The following FBXO25 variants were observed in gnomAD, a reference collection of about 807,000 sequenced individuals.
FBXO25 encodes the protein F-box protein 25.
FBXO25 carries 45 observed loss-of-function variants against 51.9 expected under a neutral mutation model. The ratio of observed to expected loss-of-function variants is 0.87; its 90% CI spans 0.68 to 1.11. The LOEUF (loss-of-function observed/expected upper bound fraction) is 1.11, where lower values mean the gene tolerates loss of function less well. Ranked by LOEUF, FBXO25 falls within the 50% of genes most tolerant of loss-of-function variation. FBXO25 has a pLI of 0.00. For synonymous variants in FBXO25, 199 were observed against 151.0 expected (o/e 1.32, Z -2.33); for missense variants, 507 against 428.5 (o/e 1.18, Z -1.62).
chr8:428,530 TA>T (rs1476339063), intron 2 of FBXO25, among the ~76,000 whole-genome samples: 1 of 152,036 alleles, frequency 6.6e-6, no homozygotes, highest in African/African-American at 2.4e-5. Flanking sequence ...TATCTTTAAT[TA>T]AAACAAAATA....
At chr8:462,901 TA>T (rs1563098584) in intron 8 of FBXO25, 105 bp from the exon 9 acceptor site, 2 of 1,343,072 alleles carry the variant, frequency 1.5e-6, no homozygotes, top group Non-Finnish European at 2.0e-6. Flanking sequence ...TATTGAAGTT[TA>T]AAAAAAGAAA....
chr8:417,871 G>C (rs1180163583), intron 2 of FBXO25, among the ~76,000 whole-genome samples: 1 of 152,204 alleles, frequency 6.6e-6, no homozygotes, highest in Admixed American at 6.5e-5. Context: ...GGTATAGCAT[G>C]GGTCATCTGT....
intron 2 of FBXO25, chr8:420,400 T>C (rs1175165180): frequency 6.6e-6 from 1 of 152,254 alleles, no homozygotes; most frequent in Non-Finnish European, 1.5e-5. Context: ...TCTTACTGTG[T>C]TACACTGCCT....
At chr8:416,000 A>G (rs1457953176) in intron 2 of FBXO25, among the ~76,000 whole-genome samples, 1 of 152,148 alleles carries the variant, frequency 6.6e-6, no homozygotes, top group African/African-American at 2.4e-5. Context: ...TTGACAAGGG[A>G]GTGTGTAGTC....
At chr8:447,811 C>T (rs1201450160) in intron 5 of FBXO25, among the ~76,000 whole-genome samples, 2 of 152,172 alleles carry the variant, frequency 1.3e-5, no homozygotes, top group African/African-American at 4.8e-5. Context: ...CTTGTGGCAT[C>T]ATGTCCATGC....
intron 5 of FBXO25, among the ~76,000 whole-genome samples, chr8:449,245 A>G (rs1337514390): frequency 3.3e-5 from 5 of 152,270 alleles, no homozygotes; most frequent in Admixed American, 6.5e-5. Flanking sequence ...ATTAAAGGAA[A>G]GCAGCAGCCC....
intron 1 of FBXO25, among the ~76,000 whole-genome samples, chr8:411,589 T>G (rs184071487): frequency 6.6e-6 from 1 of 152,204 alleles, no homozygotes; most frequent in Non-Finnish European, 1.5e-5. Context: ...TAAATACTTA[T>G]AGAGCTCCTG....
chr8:456,246 G>C (rs1283677236), intron 7 of FBXO25, among the ~76,000 whole-genome samples: 1 of 152,128 alleles, frequency 6.6e-6, no homozygotes, highest in East Asian at 1.9e-4. Context: ...GTCTTGCTCT[G>C]TTGCCCAGGC....
chr8:407,917 C>G (rs374696934), intron 1 of FBXO25, among the ~76,000 whole-genome samples: 36 of 152,322 alleles, frequency 2.4e-4, no homozygotes, highest in African/African-American at 8.4e-4. Flanking sequence ...TATTCAAACT[C>G]ATTTTGAAGA....
chr8:439,067 A>C (rs1168735300), intron 5 of FBXO25, among the ~76,000 whole-genome samples: 1 of 152,228 alleles, frequency 6.6e-6, no homozygotes, highest in Non-Finnish European at 1.5e-5. Context: ...GGTGCCCAGC[A>C]AACCCAGGAC....
At chr8:435,156 G>A (rs1430243260) in intron 4 of FBXO25, among the ~76,000 whole-genome samples, 1 of 152,144 alleles carries the variant, frequency 6.6e-6, no homozygotes, top group Non-Finnish European at 1.5e-5. Context: ...TCAAACTCGG[G>A]CAGTGCATGC....
chr8:408,179 A>G (rs1796277630), intron 1 of FBXO25, among the ~76,000 whole-genome samples: 1 of 152,196 alleles, frequency 6.6e-6, no homozygotes, highest in Non-Finnish European at 1.5e-5. Context: ...ATTTGTCCAC[A>G]CTTATAAGCA....
chr8:460,160 C>G (rs540471628), intron 8 of FBXO25, among the ~76,000 whole-genome samples: 4 of 152,162 alleles, frequency 2.6e-5, no homozygotes, highest in South Asian at 4.2e-4. Flanking sequence ...CGTGCAGGCC[C>G]GAGCTGTTCC....
chr8:427,308 A>G (rs1484161134), intron 2 of FBXO25, among the ~76,000 whole-genome samples: 1 of 151,794 alleles, frequency 6.6e-6, no homozygotes, highest in Non-Finnish European at 1.5e-5. Context: ...GGTGGGAATT[A>G]TCAGCAACTG....
intron 2 of FBXO25, among the ~76,000 whole-genome samples, chr8:415,558 G>A (rs1451816571): frequency 2.0e-5 from 3 of 152,174 alleles, no homozygotes; most frequent in Admixed American, 6.5e-5. Context: ...GCCAGTTAAG[G>A]GTTTCAGTAG....
chr8:444,837 G>C (rs930181883), intron 5 of FBXO25, among the ~76,000 whole-genome samples: 7 of 152,276 alleles, frequency 4.6e-5, no homozygotes, highest in African/African-American at 1.4e-4. Flanking sequence ...ATGTTGTATA[G>C]GTCTGTAGCC....
At chr8:456,994 T>C (rs1014034250) in intron 7 of FBXO25, among the ~76,000 whole-genome samples, 6 of 152,116 alleles carry the variant, frequency 3.9e-5, no homozygotes, top group Non-Finnish European at 8.8e-5. Context: ...TAGCTCAGTC[T>C]AGCCAAAAAT....
intron 6 of FBXO25, 67 bp downstream of exon 6, chr8:450,150 TTTTTCTTTTATC>T: frequency 8.3e-7 from 1 of 1,200,054 alleles, no homozygotes. Context: ...GGAGATGGGA[TTTTTCTTTTATC>T]TTTACCCAGT....
chr8:454,646 C>A (rs1799301392), intron 7 of FBXO25, among the ~76,000 whole-genome samples: 1 of 152,158 alleles, frequency 6.6e-6, no homozygotes, highest in South Asian at 2.1e-4. Context: ...AGTCCCAGCA[C>A]TTTGGGAGGC....
Sources: allele counts gnomAD v4.1 joint callset (sites outside exome capture counted in the v4.1 genomes callset), GRCh38; gene constraint gnomAD v4.1.1; transcripts MANE v1.5; gene names NCBI Gene and HGNC (gene_info 2026-07-23, HGNC 2026-07-21).